The following WWOX variants were observed in gnomAD, a reference collection of about 807,000 sequenced individuals.
WWOX encodes the protein WW domain-containing oxidoreductase.
In WWOX, 69 loss-of-function variants were observed where a neutral mutation model predicts 46.2. That is an observed-to-expected ratio of 1.49 (90% CI 1.23 to 1.82). The LOEUF (loss-of-function observed/expected upper bound fraction) is 1.82. Ranked by LOEUF, WWOX falls within the 40% of genes most tolerant of loss-of-function variation. WWOX has a pLI of 0.00. For synonymous variants in WWOX, 359 were observed against 202.6 expected (o/e 1.77, Z -6.56); for missense variants, 919 against 542.6 (o/e 1.69, Z -6.89).
At chr16:78,142,748 T>A (rs2034030580) in intron 4 of WWOX, among the ~76,000 whole-genome samples, 1 of 152,232 alleles carries the variant, frequency 6.6e-6, no homozygotes, top group Non-Finnish European at 1.5e-5. Flanking sequence ...TTATTTAGGC[T>A]GATCTGAGCA....
chr16:78,760,576 A>C (rs1310714313), intron 8 of WWOX, among the ~76,000 whole-genome samples: 1 of 152,118 alleles, frequency 6.6e-6, no homozygotes, highest in Non-Finnish European at 1.5e-5. Context: ...CCCACAATGC[A>C]CTTGGGGTTT....
At chr16:79,060,886 T>C (rs543199611) in intron 8 of WWOX, among the ~76,000 whole-genome samples, 1 of 152,350 alleles carries the variant, frequency 6.6e-6, no homozygotes, top group Admixed American at 6.5e-5. Context: ...TTGTATGCCA[T>C]GGGCCATTCT....
intron 5 of WWOX, among the ~76,000 whole-genome samples, chr16:78,227,893 A>G (rs2037119689): frequency 6.6e-6 from 1 of 152,070 alleles, no homozygotes; most frequent in Non-Finnish European, 1.5e-5. Context: ...AAACAAAAAG[A>G]AACATACCGG....
chr16:79,058,168 G>C (rs1204238610), intron 8 of WWOX, among the ~76,000 whole-genome samples: 1 of 151,516 alleles, frequency 6.6e-6, no homozygotes, highest in East Asian at 1.9e-4. Flanking sequence ...TATAGTTCCA[G>C]GATAGAGTGT....
chr16:78,669,705 A>G (rs1345329482), intron 8 of WWOX, among the ~76,000 whole-genome samples: 7 of 152,246 alleles, frequency 4.6e-5, no homozygotes, highest in African/African-American at 1.7e-4. Flanking sequence ...AAAACTAGTT[A>G]CAGTTCATTG....
intron 8 of WWOX, chr16:78,873,535 C>G (rs1019363921): frequency 3.9e-5 from 6 of 152,120 alleles, no homozygotes; most frequent in Non-Finnish European, 8.8e-5. Context: ...CCTTGTAATC[C>G]CAGCACTTTT....
At chr16:79,118,192 G>GT (rs2049556936) in intron 8 of WWOX, among the ~76,000 whole-genome samples, 1 of 152,144 alleles carries the variant, frequency 6.6e-6, no homozygotes, top group South Asian at 2.1e-4. Flanking sequence ...TTGAAGGGTT[G>GT]TAAGTTTGCC....
At chr16:79,157,847 T>G (rs1322457497) in intron 8 of WWOX, among the ~76,000 whole-genome samples, 1 of 151,972 alleles carries the variant, frequency 6.6e-6, no homozygotes, top group Non-Finnish European at 1.5e-5. Context: ...CGAGGCAGGG[T>G]AAGTAGACTA....
intron 5 of WWOX, among the ~76,000 whole-genome samples, chr16:78,303,307 G>A (rs557201872): frequency 6.6e-6 from 1 of 152,204 alleles, no homozygotes; most frequent in East Asian, 1.9e-4. Context: ...TATTTTTTAT[G>A]TTGGTCTCAT....
chr16:79,134,600 GACACATACAGACACCCACACCC>G (rs1472933618), intron 8 of WWOX, among the ~76,000 whole-genome samples: 1 of 152,088 alleles, frequency 6.6e-6, no homozygotes, highest in Non-Finnish European at 1.5e-5. Context: ...TATAAATGCA[GACACATACAGACACCCACACCC>G]ACACATACAG....
chr16:78,699,633 A>AT (rs1567499987), intron 8 of WWOX, among the ~76,000 whole-genome samples: 1 of 152,178 alleles, frequency 6.6e-6, no homozygotes, highest in African/African-American at 2.4e-5. Context: ...TTAATCAATG[A>AT]TTATCAATGC....
At chr16:79,178,542 C>T (rs933399637) in intron 8 of WWOX, among the ~76,000 whole-genome samples, 3 of 152,100 alleles carry the variant, frequency 2.0e-5, no homozygotes, top group African/African-American at 7.2e-5. Flanking sequence ...GTCTCAAACT[C>T]CTGAGCTCAA....
chr16:78,541,995 G>A (rs1467134688), intron 8 of WWOX, among the ~76,000 whole-genome samples: 2 of 114,762 alleles, frequency 1.7e-5, no homozygotes, highest in East Asian at 6.3e-4. Context: ...AGTTACCAGA[G>A]GGTTTCTTTC....
chr16:79,063,253 T>C (rs926323722), intron 8 of WWOX, among the ~76,000 whole-genome samples: 7 of 152,198 alleles, frequency 4.6e-5, no homozygotes, highest in African/African-American at 1.4e-4. Context: ...ATTCGTGTTT[T>C]AGATATGGTT....
intron 5 of WWOX, among the ~76,000 whole-genome samples, chr16:78,258,102 A>G (rs952643703): frequency 6.6e-6 from 1 of 152,190 alleles, no homozygotes; most frequent in Non-Finnish European, 1.5e-5. Flanking sequence ...TATTCTCCCT[A>G]TAATTAAAAA....
intron 8 of WWOX, among the ~76,000 whole-genome samples, chr16:79,073,150 G>GTTGTTATTATTA (rs147053069): frequency 2.1e-5 from 3 of 143,116 alleles, no homozygotes; most frequent in Non-Finnish European, 3.0e-5. Context: ...GTAGTTATTC[G>GTTGTTATTATTA]TTATTATTAT....
chr16:78,701,053 C>T (rs1044819163), intron 8 of WWOX, among the ~76,000 whole-genome samples: 10 of 152,130 alleles, frequency 6.6e-5, no homozygotes, highest in Admixed American at 3.3e-4. Context: ...ATCTTGGGCA[C>T]GTTTTTCAAC....
intron 8 of WWOX, among the ~76,000 whole-genome samples, chr16:79,145,123 C>G (rs548598358): frequency 6.6e-6 from 1 of 152,058 alleles, no homozygotes; most frequent in African/African-American, 2.4e-5. Flanking sequence ...GGGTATTAAT[C>G]CATTATTTAC....
chr16:79,015,889 C>A (rs986521510), intron 8 of WWOX, among the ~76,000 whole-genome samples: 3 of 152,088 alleles, frequency 2.0e-5, no homozygotes, highest in Non-Finnish European at 4.4e-5. Flanking sequence ...GTAGCTGGTA[C>A]TAAGGCATGT....
Sources: allele counts gnomAD v4.1 joint callset (sites outside exome capture counted in the v4.1 genomes callset), GRCh38; gene constraint gnomAD v4.1.1; transcripts MANE v1.5; gene names NCBI Gene and HGNC (gene_info 2026-07-23, HGNC 2026-07-21).